Variants in FAM107B observed in about 807,000 individuals in gnomAD.
FAM107B encodes protein FAM107B.
In FAM107B, 21 loss-of-function variants were observed where a neutral mutation model predicts 31.5. The ratio of observed to expected loss-of-function variants is 0.67; its 90% CI spans 0.47 to 0.96. The LOEUF is 0.96. FAM107B is among the 40% of genes least tolerant of loss of function. The probability of loss-of-function intolerance (pLI) is 0.00; values close to 1 mark genes in which losing one functional copy is unlikely to be tolerated. For missense variants in FAM107B, 452 were observed against 377.1 expected, an observed-to-expected ratio of 1.20 and a Z score of -1.64; for synonymous variants, 157 against 141.5, an observed-to-expected ratio of 1.11 and a Z score of -0.78.
chr10:14,548,986 T>G (rs935384654), intron 2 of FAM107B, among the ~76,000 whole-genome samples: 24 of 152,154 alleles, frequency 1.6e-4, no homozygotes, highest in African/African-American at 5.6e-4. Flanking sequence ...ATGGGATCAG[T>G]GTCCTTATAA....
chr10:14,608,451 G>A (rs996270467), intron 2 of FAM107B, among the ~76,000 whole-genome samples: 2 of 152,218 alleles, frequency 1.3e-5, no homozygotes, highest in East Asian at 1.9e-4. Context: ...GCTCAGCTGC[G>A]ATATCTTATT....
At chr10:14,763,405 CGT>C (rs1833097054) in intron 1 of FAM107B, among the ~76,000 whole-genome samples, 1 of 152,184 alleles carries the variant, frequency 6.6e-6, no homozygotes, top group Non-Finnish European at 1.5e-5. Context: ...TCTATTGCAA[CGT>C]ATCACCAGGG....
At chr10:14,558,949 G>C (rs1243263906) in intron 2 of FAM107B, among the ~76,000 whole-genome samples, 3 of 152,060 alleles carry the variant, frequency 2.0e-5, no homozygotes, top group Non-Finnish European at 4.4e-5. Context: ...CCAACAAAGA[G>C]TAACAGAATT....
At chr10:14,695,749 A>G (rs982707889) in intron 1 of FAM107B, among the ~76,000 whole-genome samples, 1 of 152,204 alleles carries the variant, frequency 6.6e-6, no homozygotes, top group Non-Finnish European at 1.5e-5. Flanking sequence ...TTATCATAGA[A>G]AAGATTGTTT....
chr10:14,586,671 G>C (rs1851853330), intron 2 of FAM107B, among the ~76,000 whole-genome samples: 2 of 152,120 alleles, frequency 1.3e-5, no homozygotes, highest in Non-Finnish European at 2.9e-5. Flanking sequence ...TTTGATCTTG[G>C]AGTTCCCAAC....
At chr10:14,592,094 T>C (rs1363663566) in intron 2 of FAM107B, among the ~76,000 whole-genome samples, 1 of 151,780 alleles carries the variant, frequency 6.6e-6, no homozygotes, top group Non-Finnish European at 1.5e-5. Flanking sequence ...GCTGGGGAGG[T>C]GGGAAGTTCA....
chr10:14,529,716 T>A (rs1046765591), intron 3 of FAM107B: 11 of 152,116 alleles, frequency 7.2e-5, no homozygotes, highest in Non-Finnish European at 1.5e-4. Context: ...AAAAGCAGAG[T>A]ATAGCAACCC....
chr10:14,568,619 G>C (rs201847343), intron 2 of FAM107B, among the ~76,000 whole-genome samples: 1 of 152,226 alleles, frequency 6.6e-6, no homozygotes, highest in African/African-American at 2.4e-5. Context: ...ACTCAGGTAG[G>C]AGGAGGGTGG....
chr10:14,620,663 T>C (rs1852987139), intron 2 of FAM107B, among the ~76,000 whole-genome samples: 1 of 152,302 alleles, frequency 6.6e-6, no homozygotes, highest in Admixed American at 6.5e-5. Flanking sequence ...GTATTTCTCC[T>C]AATGCTATCC....
intron 1 of FAM107B, among the ~76,000 whole-genome samples, chr10:14,727,385 T>C (rs1856061746): frequency 1.3e-5 from 2 of 152,318 alleles, no homozygotes; most frequent in Non-Finnish European, 2.9e-5. Flanking sequence ...CTGAGCCACG[T>C]CTCTTAGATC....
At chr10:14,584,500 T>C (rs892642107) in intron 2 of FAM107B, among the ~76,000 whole-genome samples, 2 of 152,254 alleles carry the variant, frequency 1.3e-5, no homozygotes, top group Admixed American at 1.3e-4. Context: ...TGTAAGATGC[T>C]GTGATCCAAA....
At chr10:14,558,265 A>T (rs1445929417) in intron 2 of FAM107B, among the ~76,000 whole-genome samples, 1 of 151,736 alleles carries the variant, frequency 6.6e-6, no homozygotes, top group African/African-American at 2.4e-5. Flanking sequence ...GCGCACAGTC[A>T]CACATACGTG....
intron 2 of FAM107B, among the ~76,000 whole-genome samples, chr10:14,625,289 T>A (rs1181979361): frequency 6.6e-6 from 1 of 151,650 alleles, no homozygotes; most frequent in Non-Finnish European, 1.5e-5. Context: ...TATGTGTGTG[T>A]ATCCCTCCCA....
intron 1 of FAM107B, among the ~76,000 whole-genome samples, chr10:14,705,771 A>G (rs1855504412): frequency 6.6e-6 from 1 of 152,118 alleles, no homozygotes; most frequent in Admixed American, 6.5e-5. Flanking sequence ...GCAAGACGAA[A>G]GAGTTCTGGA....
At chr10:14,727,392 G>A (rs1319580705) in intron 1 of FAM107B, among the ~76,000 whole-genome samples, 1 of 152,198 alleles carries the variant, frequency 6.6e-6, no homozygotes, top group Non-Finnish European at 1.5e-5. Context: ...ACGTCTCTTA[G>A]ATCTTAACCA....
chr10:14,689,893 G>C lies in FAM107B; in HGVS notation c.412-22202C>G, dbSNP rs78573359. 7.4e-3 allele frequency among the ~76,000 whole-genome samples: 1,120 copies of C among 152,186 alleles called. 11 individuals carry two copies. The highest frequency in any genetic ancestry group is 0.025 in the African/African-American group (1,057 of 41,516). ...CAGGAGGATTACTTGAGCCTGGAGA[G>C]GTCGAGGCTGCAGTGAGCTGAGCTC... On this transcript the variant is annotated intron_variant, in intron 1 of 4. Coordinates refer to ENST00000181796, the MANE Select transcript of FAM107B (RefSeq NM_031453.4).
At chr10:14,666,919 T>C (rs1854417194) in intron 2 of FAM107B, among the ~76,000 whole-genome samples, 1 of 152,222 alleles carries the variant, frequency 6.6e-6, no homozygotes, top group Non-Finnish European at 1.5e-5. Context: ...CTAATTTCCA[T>C]TAAAGTACAA....
chr10:14,647,811 C>T (rs931047738), intron 2 of FAM107B, among the ~76,000 whole-genome samples: 2 of 152,016 alleles, frequency 1.3e-5, no homozygotes, highest in African/African-American at 2.4e-5. Flanking sequence ...TGGTCTGTAC[C>T]AATGACCAAT....
intron 2 of FAM107B, among the ~76,000 whole-genome samples, chr10:14,622,316 T>C (rs1043023680): frequency 2.0e-5 from 3 of 151,142 alleles, no homozygotes; most frequent in African/African-American, 7.3e-5. Flanking sequence ...AGATTTTTTT[T>C]TTTTTTTTTG....
Sources: gnomAD v4.1 joint callset for allele counts (sites outside exome capture counted in the v4.1 genomes callset) on GRCh38, gnomAD v4.1.1 for gene constraint, MANE v1.5 for transcripts, NCBI Gene and HGNC (gene_info 2026-07-23, HGNC 2026-07-21) for gene names.